The following CSNK1G1 variants were observed in gnomAD, a reference collection of about 807,000 sequenced individuals.
CSNK1G1 encodes casein kinase I isoform gamma-1.
Under a neutral mutation model 59.6 loss-of-function variants are expected in CSNK1G1, and 22 were observed. The ratio of observed to expected loss-of-function variants is 0.37; its 90% CI spans 0.26 to 0.53. The LOEUF (loss-of-function observed/expected upper bound fraction) is 0.53. Among genes scored for constraint, CSNK1G1 ranks in the 20% least tolerant of loss-of-function variants. The pLI is 0.89. For synonymous variants in CSNK1G1, 179 were observed against 177.1 expected (o/e 1.01, Z -0.08); for missense variants, 384 against 519.5 (o/e 0.74, Z 2.54).
rs1205428668 is a variant in CSNK1G1 at position 64,349,271 on chromosome 15, T to C, written c.-225+6717A>G. ...AGAAATCCATGGGGATCCAATGCTA[T>C]TGTTCCCTGGCAAATTTATGTAGCA... On this transcript the variant is annotated intron_variant, in intron 1 of 11. Coordinates refer to ENST00000303052, the MANE Select transcript of CSNK1G1 (RefSeq NM_022048.5). Among the ~76,000 whole-genome samples, 5 of 152,148 alleles carry C rather than the reference T, an allele frequency of 3.3e-5. No homozygotes were observed. In the East Asian group the frequency reaches 9.6e-4, roughly 29 times the overall value.
chr15:64,254,494 G>A (rs1296825335), intron 3 of CSNK1G1, among the ~76,000 whole-genome samples: 1 of 151,872 alleles, frequency 6.6e-6, no homozygotes, highest in Non-Finnish European at 1.5e-5. Context: ...TGGGATTACA[G>A]GTATGCACCA....
intron 2 of CSNK1G1, among the ~76,000 whole-genome samples, chr15:64,289,275 T>C (rs1894603933): frequency 6.6e-6 from 1 of 152,048 alleles, no homozygotes; most frequent in Non-Finnish European, 1.5e-5. Flanking sequence ...CAATGCATAA[T>C]CTTGCAAGTA....
At chr15:64,344,102 A>G (rs1005678619) in intron 1 of CSNK1G1, among the ~76,000 whole-genome samples, 1 of 152,176 alleles carries the variant, frequency 6.6e-6, no homozygotes, top group East Asian at 1.9e-4. Context: ...TAAAATGAAT[A>G]ATAGCATTGT....
chr15:64,323,427 G>A (rs1355008281), intron 1 of CSNK1G1, among the ~76,000 whole-genome samples: 3 of 151,372 alleles, frequency 2.0e-5, no homozygotes, highest in Non-Finnish European at 2.9e-5. Context: ...GTGCAATGGC[G>A]CAATCTCGGC....
At chr15:64,336,635 G>T (rs1230585207) in intron 1 of CSNK1G1, among the ~76,000 whole-genome samples, 2 of 152,038 alleles carry the variant, frequency 1.3e-5, no homozygotes, top group Non-Finnish European at 2.9e-5. Context: ...ATCTGAAAAT[G>T]TAAGAGATTC....
chr15:64,173,818 T>C (rs2081707202), intron 11 of CSNK1G1, among the ~76,000 whole-genome samples: 1 of 152,026 alleles, frequency 6.6e-6, no homozygotes, highest in African/African-American at 2.4e-5. Context: ...TTCACCATGT[T>C]GGCCGGGCTG....
chr15:64,312,528 G>A lies in CSNK1G1; in HGVS notation c.-224-11805C>T, dbSNP rs1166577206. On this transcript the variant is annotated intron_variant, in intron 1 of 11. Coordinates refer to ENST00000303052, the MANE Select transcript of CSNK1G1 (RefSeq NM_022048.5). ...GAAAGGATTCCCTATTTAATAAATG[G>A]TGTTGGGAAAACTGGCTAGCCATAT... 3.3e-5 allele frequency among the ~76,000 whole-genome samples: 5 copies of A among 152,136 alleles called. No homozygotes were observed. The South Asian group carries it at 6.2e-4, about 19-fold the overall frequency.
Position 64,262,830 on chromosome 15 carries a change from G to A in CSNK1G1, c.182-3589C>T, listed in dbSNP as rs561642035. On this transcript the variant is annotated intron_variant, in intron 2 of 11. Coordinates refer to ENST00000303052, the MANE Select transcript of CSNK1G1 (RefSeq NM_022048.5). ...GCAATGGCTCACGCCTGTAATCCCA[G>A]CACTTTGGGAGACCAAGGTGGGTGG... 5.3e-5 allele frequency among the ~76,000 whole-genome samples: 8 copies of A among 152,226 alleles called. 1 individual carries two copies. Among genetic ancestry groups the A allele is most frequent in the African/African-American group, 1.7e-4 (7 of 41,548 alleles).
At chr15:64,306,196 T>C (rs116286882) in intron 1 of CSNK1G1, among the ~76,000 whole-genome samples, 1,889 of 152,256 alleles carry the variant, frequency 0.012, 29 homozygotes, top group African/African-American at 0.044. Context: ...GCTAAGAGAA[T>C]GAAAAGATAA....
intron 11 of CSNK1G1, among the ~76,000 whole-genome samples, chr15:64,173,421 T>C (rs2081699568): frequency 6.6e-6 from 1 of 152,162 alleles, no homozygotes; most frequent in African/African-American, 2.4e-5. Flanking sequence ...TCTCTGAAAG[T>C]ATCAATGACA....
At chr15:64,294,892 A>T (rs186287589) in intron 2 of CSNK1G1, among the ~76,000 whole-genome samples, 2 of 148,138 alleles carry the variant, frequency 1.4e-5, no homozygotes, top group African/African-American at 5.0e-5. Flanking sequence ...AGCCTGGACA[A>T]CAAGAGTGAA....
In CSNK1G1 at chr15:64,300,713, C is replaced by T. The variant is rs1292886718; in HGVS notation, c.-214G>A. The T allele has an allele frequency of 9.7e-6, 12 of 1,242,628 alleles. No homozygotes were observed. The highest frequency in any genetic ancestry group is 1.2e-5 in the Non-Finnish European group (12 of 992,972). 77.0% of individuals were successfully genotyped at this position (1,242,628 alleles called of 1,614,324 possible). ...TCACTAGGTCTCAATCTTAGGTGAACATCTTGTAACCTAGGTAAAAATCAA... is the reference window on the plus strand; with the variant it reads ...TCACTAGGTCTCAATCTTAGGTGAATATCTTGTAACCTAGGTAAAAATCAA... On this transcript the variant is annotated 5_prime_UTR_variant, in exon 2 of 12. An upstream start codon of the reference 5' UTR is lost. Coordinates refer to ENST00000303052, the MANE Select transcript of CSNK1G1 (RefSeq NM_022048.5).
chr15:64,278,229 T>A (rs1421718577), intron 2 of CSNK1G1, among the ~76,000 whole-genome samples: 1 of 150,958 alleles, frequency 6.6e-6, no homozygotes, highest in Non-Finnish European at 1.5e-5. Context: ...GTATTTTTAG[T>A]AGAGACAGGG....
chr15:64,181,561 A>G, intron 10 of CSNK1G1: 1 of 877,988 alleles, frequency 1.1e-6, no homozygotes, highest in Non-Finnish European at 1.7e-6. Context: ...AATGTATGAG[A>G]CTGTCTAGTA....
At position 64,171,780 on chromosome 15, in the gene CSNK1G1, C is replaced by G. The variant is rs181304652; in HGVS notation, c.*151G>C. 0.01 allele frequency: 7,299 copies of G among 714,656 alleles called. 38 individuals carry two copies. The highest frequency in any genetic ancestry group is 0.014 in the Non-Finnish European group (5,660 of 407,606). 44.3% of individuals were successfully genotyped at this position (714,656 alleles called of 1,614,324 possible). The stretch of plus-strand genomic sequence containing the variant: ...ACCCACTAGGCCCTGGCTGCCCGCA[C>G]TGGCCCCTTCTGGGGGCATCTGTTT... On this transcript the variant is annotated 3_prime_UTR_variant, in exon 12 of 12. Transcript: ENST00000303052. This position sits in a 1 kb window ranked among gnomAD's most constrained non-coding sequence, Gnocchi z 4.8.
At chr15:64,310,635 T>A (rs560386206) in intron 1 of CSNK1G1, among the ~76,000 whole-genome samples, 1 of 151,970 alleles carries the variant, frequency 6.6e-6, no homozygotes, top group South Asian at 2.1e-4. Flanking sequence ...AAGGATCCCT[T>A]GAGCCTAGGA....
intron 2 of CSNK1G1, among the ~76,000 whole-genome samples, chr15:64,281,493 A>T (rs560052578): frequency 1.3e-5 from 2 of 152,250 alleles, no homozygotes; most frequent in Admixed American, 1.3e-4. Context: ...ACCTGGGAAG[A>T]GGGGAAAGTA....
chr15:64,269,942 T>C (rs555367827), intron 2 of CSNK1G1, among the ~76,000 whole-genome samples: 1 of 152,196 alleles, frequency 6.6e-6, no homozygotes, highest in South Asian at 2.1e-4. Flanking sequence ...CAGCTGAAAT[T>C]ACAGGTGCAC....
At chr15:64,307,977 C>T (rs1385739197) in intron 1 of CSNK1G1, among the ~76,000 whole-genome samples, 2 of 152,002 alleles carry the variant, frequency 1.3e-5, no homozygotes, top group South Asian at 2.1e-4. Flanking sequence ...TGAACCACCG[C>T]GCCCTGCCTG....
Sources: gnomAD v4.1 joint callset for allele counts (sites outside exome capture counted in the v4.1 genomes callset) on GRCh38, gnomAD v4.1.1 for gene constraint, Gnocchi (gnomAD v3.1) non-coding constraint, MANE v1.5 for transcripts, NCBI Gene and HGNC (gene_info 2026-07-23, HGNC 2026-07-21) for gene names.